The following ALB variants were observed in gnomAD, a reference collection of about 807,000 sequenced individuals.
The protein encoded by ALB is albumin.
Under a neutral mutation model 74.5 loss-of-function variants are expected in ALB, and 37 were observed. The observed-to-expected ratio is 0.50, with a 90% CI of 0.38 to 0.65. The LOEUF (loss-of-function observed/expected upper bound fraction) is 0.65. Ranked by LOEUF, ALB falls within the 30% of genes least tolerant of loss-of-function variation. The pLI, the probability that ALB is intolerant of heterozygous loss-of-function variation, is 0.00. For missense variants in ALB, 685 were observed against 718.7 expected (o/e 0.95, Z 0.54); for synonymous variants, 249 against 251.6 (o/e 0.99, Z 0.10).
At chr4:73,405,285 C>T (rs1197483619) in intron 2 of ALB, 112 bp downstream of exon 2, 7 of 915,138 alleles carry the variant, frequency 7.6e-6, no homozygotes, top group Non-Finnish European at 1.2e-5. Context: ...ACAGTGCTGC[C>T]TCGTAGAGTT....
chr4:73,410,991 A>G (rs954545924), intron 6 of ALB, among the ~76,000 whole-genome samples: 2 of 151,980 alleles, frequency 1.3e-5, no homozygotes, highest in Non-Finnish European at 2.9e-5. Context: ...TCTTCATCTC[A>G]TGTTTTTGCC....
At chr4:73,407,979 T>C (rs1245240526) in intron 3 of ALB, among the ~76,000 whole-genome samples, 1 of 152,142 alleles carries the variant, frequency 6.6e-6, no homozygotes, top group Non-Finnish European at 1.5e-5. Context: ...TAAAAATTAA[T>C]AAATTCTGTC....
chr4:73,408,834 A>G (rs1718798338), intron 4 of ALB, 29 bp downstream of exon 4: 1 of 1,586,332 alleles, frequency 6.3e-7, no homozygotes, highest in Middle Eastern at 1.7e-4. Flanking sequence ...ATAGTTCAAA[A>G]TTAAAAAGCA....
intron 3 of ALB, among the ~76,000 whole-genome samples, chr4:73,408,383 C>T (rs1024027787): frequency 3.3e-5 from 5 of 152,082 alleles, no homozygotes; most frequent in South Asian, 2.1e-4. Context: ...TTTTATTCAC[C>T]ATGAGTTATA....
At chr4:73,404,453 A>G (rs1560853230) in intron 1 of ALB, 47 bp downstream of exon 1, 1 of 1,485,646 alleles carries the variant, frequency 6.7e-7, no homozygotes, top group East Asian at 2.3e-5. Context: ...CTATTTTCCC[A>G]GTAAAATAAA....
intron 4 of ALB, 52 bp downstream of exon 4, chr4:73,408,857 A>ATGCTT: frequency 6.9e-7 from 1 of 1,440,118 alleles, no homozygotes; most frequent in Non-Finnish European, 9.7e-7. Flanking sequence ...GAGTAACTCC[A>ATGCTT]TAGGCCAACA....
At chr4:73,404,480 C>A (rs1577933760) in intron 1 of ALB, 74 bp downstream of exon 1, 5 of 1,250,024 alleles carry the variant, frequency 4.0e-6, no homozygotes, top group African/African-American at 1.5e-5. Flanking sequence ...GTAAACTCTG[C>A]ATCTTTAAAG....
rs368643371 is a variant in ALB at position 73,407,107 on chromosome 4, T to C, written c.270+346T>C. Among the ~76,000 whole-genome samples the C allele has an allele frequency of 5.3e-5, 8 of 152,276 alleles. No homozygotes were observed. The South Asian group carries it at 1.7e-3, about 32-fold the overall frequency. On this transcript the variant is annotated intron_variant, in intron 3 of 14. Coordinates refer to ENST00000295897, the MANE Select transcript of ALB (RefSeq NM_000477.7). ...GATAGCATGTATTTATTTATTTATTTATCTTATTTTATTATAGTAAGAACC... is the reference window on the plus strand; with the variant it reads ...GATAGCATGTATTTATTTATTTATTCATCTTATTTTATTATAGTAAGAACC...
At chr4:73,419,769 AT>A in intron 13 of ALB, 130 bp downstream of exon 13, 1 of 1,152,112 alleles carries the variant, frequency 8.7e-7, no homozygotes, top group Non-Finnish European at 1.3e-6. Flanking sequence ...TTTACAAACA[AT>A]TGTCTTACAA....
chr4:73,407,899 C>T (rs537119048), intron 3 of ALB, among the ~76,000 whole-genome samples: 2 of 152,212 alleles, frequency 1.3e-5, no homozygotes, highest in East Asian at 1.9e-4. Context: ...TGTACCTCTC[C>T]CTCACAGCAG....
chr4:73,413,879 C>T (rs933047041), intron 8 of ALB, among the ~76,000 whole-genome samples: 47 of 152,144 alleles, frequency 3.1e-4, no homozygotes, highest in African/African-American at 9.9e-4. Context: ...TCTGAAAATA[C>T]GTCTAGAAAC....
chr4:73,406,650 G>GT lies in ALB; in HGVS notation c.160dup (p.Tyr54LeufsTer8). On this transcript the variant is annotated frameshift_variant, in exon 3 of 15. Transcript: ENST00000295897. LOFTEE classifies it high-confidence loss of function. ...TCAGGGTGTTGATTGCCTTTGCTCA[G>GT]TATCTTCAGCAGTGTCCATTTGAAG... The GT allele has an allele frequency of 1.9e-6, 3 of 1,613,760 alleles. No homozygotes were observed. Among genetic ancestry groups the GT allele is most frequent in the Non-Finnish European group, 2.5e-6 (3 of 1,179,914 alleles).
chr4:73,420,938 AT>A (rs1174173406), intron 14 of ALB, 153 bp from the exon 15 acceptor site: 4 of 518,334 alleles, frequency 7.7e-6, no homozygotes, highest in Non-Finnish European at 3.4e-6. Context: ...CAACAGAAGA[AT>A]TCAGCAGCCG....
Position 73,406,909 on chromosome 4 carries a change from A to G in ALB, c.270+148A>G, listed in dbSNP as rs952674971. 5 of 892,188 alleles carry G rather than the reference A, an allele frequency of 5.6e-6. No individual in the cohort carries two copies. In the South Asian group the frequency reaches 6.9e-5, roughly 12 times the overall value. 55.3% of individuals were successfully genotyped at this position (892,188 alleles called of 1,614,324 possible). A position where few individuals can be genotyped will look rare whatever the true frequency, so the allele number is the denominator to read the frequency against. On this transcript the variant is annotated intron_variant, in intron 3 of 14. Transcript: ENST00000295897. ...AAAGTTGCTCATAGACTGATAAGCCATTGTTTCTTTTGTGATAGAGATGCT... is the reference window on the plus strand; with the variant it reads ...AAAGTTGCTCATAGACTGATAAGCCGTTGTTTCTTTTGTGATAGAGATGCT...
In ALB at chr4:73,413,454, A is replaced by G. The variant is rs79744198; in HGVS notation, c.878A>G (p.Asp293Gly). The part of the protein sequence containing the change: ...DLAKYICENQ[D>G]SISSKLKECC... ...GCCAAGTATATCTGTGAAAATCAAG[A>G]TTCGATCTCCAGTAAACTGAAGGAA... Residue 293 changes from aspartate to glycine, a missense_variant, in exon 8 of 15, where the codon GAT becomes GGT. By Grantham distance (94) the Asp-to-Gly change is moderately conservative. Transcript: ENST00000295897. 17 of 1,614,182 alleles carry G rather than the reference A, an allele frequency of 1.1e-5. No homozygotes were observed. The East Asian group carries it at 3.8e-4, about 36-fold the overall frequency.
intron 10 of ALB, 33 bp from the exon 11 acceptor site, chr4:73,417,493 TCTTGC>T: frequency 6.2e-7 from 1 of 1,612,966 alleles, no homozygotes; most frequent in Non-Finnish European, 8.5e-7. Context: ...TTAGACAGTT[TCTTGC>T]CTTGCTGAAA....
In ALB at chr4:73,412,040, C is replaced by G; in HGVS notation, c.758C>G (p.Ala253Gly). Residue 253 changes from alanine (A) to glycine (G), a missense_variant, in exon 7 of 15, where the codon GCA (alanine) becomes GGA (glycine). Physicochemically the swap from Ala to Gly is moderately conservative, Grantham distance 60. Transcript: ENST00000295897. ...CAGAGATTTCCCAAAGCTGAGTTTG[C>G]AGAAGTTTCCAAGTTAGTGACAGAT... ...LSQRFPKAEF[A>G]EVSKLVTDLT... The G allele has an allele frequency of 6.2e-7, 1 of 1,614,128 alleles. No homozygotes were observed. The highest frequency in any genetic ancestry group is 8.5e-7 in the Non-Finnish European group (1 of 1,180,016).
At chr4:73,406,208 A>G (rs1718723773) in intron 2 of ALB, among the ~76,000 whole-genome samples, 2 of 152,178 alleles carry the variant, frequency 1.3e-5, no homozygotes, top group Non-Finnish European at 2.9e-5. Context: ...ACAGTGAGCC[A>G]TGATTGTGCC....
chr4:73,413,978 A>G (rs1718947302), intron 8 of ALB, among the ~76,000 whole-genome samples: 1 of 152,184 alleles, frequency 6.6e-6, no homozygotes, highest in Non-Finnish European at 1.5e-5. Context: ...GTGACTATGT[A>G]TTGCCTGTCT....
Sources: allele counts gnomAD v4.1 joint callset (sites outside exome capture counted in the v4.1 genomes callset), GRCh38; gene constraint gnomAD v4.1.1; transcripts MANE v1.5; gene names NCBI Gene and HGNC (gene_info 2026-07-23, HGNC 2026-07-21).